ANK3: variants seen among roughly 807,000 people sequenced by gnomAD.
ANK3 encodes ankyrin 3.
A neutral mutation model predicts 370.9 loss-of-function variants in ANK3; 57 were observed. That is an observed-to-expected ratio of 0.15 (90% CI 0.12 to 0.19). ANK3 has a LOEUF of 0.19. ANK3 is among the 10% of genes least tolerant of loss of function. ANK3 has a pLI of 1.00. For missense variants in ANK3, 4,439 were observed against 5,302.1 expected, an observed-to-expected ratio of 0.84 and a Z score of 5.06; for synonymous variants, 1,929 against 1,946.3, an observed-to-expected ratio of 0.99 and a Z score of 0.23.
At position 60,072,551 on chromosome 10, in the gene ANK3, C is replaced by A. The variant is rs769392065; in HGVS notation, c.8330G>T (p.Ser2777Ile). 1 of 1,613,426 alleles carries A rather than the reference C, an allele frequency of 6.2e-7. No homozygotes were observed. The highest frequency in any genetic ancestry group is 8.5e-7 in the Non-Finnish European group (1 of 1,179,838). The change falls in exon 37 of 44, where the codon AGT (serine) becomes ATT (isoleucine). Residue 2777 changes from serine to isoleucine, a missense_variant. Around this residue, in one of 13 missense-constraint regions of ANK3, gnomAD observed 1,601 missense variants for 1,731.7 expected, o/e 0.92. Transcript: ENST00000280772. The stretch of plus-strand genomic sequence containing the variant: ...CATAAAATCTTTTTGCACAGATACA[C>A]TTTCATCTGGGAGGTCTATGGCCTT... ...QQKAIDLPDE[S>I]VSVQKDFMVL...
intron 1 of ANK3, among the ~76,000 whole-genome samples, chr10:60,691,328 A>C (rs2079349394): frequency 6.6e-6 from 1 of 152,184 alleles, no homozygotes; most frequent in South Asian, 2.1e-4. Flanking sequence ...AGAAAATACT[A>C]CTTGAAATTG....
In ANK3 at chr10:60,372,784, G is replaced by T. The variant is rs563962890; in HGVS notation, c.114+16641C>A. 2.0e-5 allele frequency among the ~76,000 whole-genome samples: 3 copies of T among 152,250 alleles called. No homozygotes were observed. In the South Asian group the frequency reaches 6.2e-4, roughly 32 times the overall value. On this transcript the variant is annotated intron_variant, in intron 1 of 43. Transcript: ENST00000280772. ...CCATACAACTCTGCCCTTCGAAACCGATGTATTTATATAAATCCTATAGAT... is the reference window on the plus strand; with the variant it reads ...CCATACAACTCTGCCCTTCGAAACCTATGTATTTATATAAATCCTATAGAT...
rs1464111127 is a variant in ANK3 at position 60,028,600 on chromosome 10, T to A, written c.*1246A>T. On this transcript the variant is annotated 3_prime_UTR_variant, in exon 44 of 44. Transcript: ENST00000280772. ...AAACACAGCAGCCTTATTAACCTAA[T>A]ATGACACTGCTAGAATGGTTACAAA... 1 of 152,588 alleles carries A rather than the reference T, an allele frequency of 6.6e-6. No homozygotes were observed. The highest frequency in any genetic ancestry group is 2.4e-5 in the African/African-American group (1 of 41,426). 9.5% of individuals were successfully genotyped at this position (152,588 alleles called of 1,614,324 possible).
chr10:60,685,396 G>GA (rs78361999), intron 1 of ANK3, among the ~76,000 whole-genome samples: 1,941 of 145,324 alleles, frequency 0.013, 39 homozygotes, highest in African/African-American at 0.044. Context: ...TCTAAAGAGT[G>GA]AAAAAAAAAA....
At chr10:60,624,188 C>T (rs2078377392) in intron 1 of ANK3, among the ~76,000 whole-genome samples, 1 of 151,710 alleles carries the variant, frequency 6.6e-6, no homozygotes, top group Non-Finnish European at 1.5e-5. Context: ...GCACATGTAC[C>T]CCTCAACCTA....
At chr10:60,603,884 T>C (rs950549325) in intron 2 of ANK3, among the ~76,000 whole-genome samples, 3 of 152,140 alleles carry the variant, frequency 2.0e-5, no homozygotes, top group Non-Finnish European at 2.9e-5. Context: ...TGAGGCACAC[T>C]CCTCAGTCTC....
chr10:60,509,694 C>T (rs1364374073), intron 2 of ANK3, among the ~76,000 whole-genome samples: 3 of 151,970 alleles, frequency 2.0e-5, no homozygotes. Flanking sequence ...CTATTTTCTC[C>T]AAGATAGTGA....
At chr10:60,564,980 T>G (rs909785239) in intron 2 of ANK3, among the ~76,000 whole-genome samples, 7 of 152,096 alleles carry the variant, frequency 4.6e-5, no homozygotes, top group African/African-American at 1.4e-4. Context: ...ATTTGCCCCT[T>G]AAAAAATAAT....
At position 60,166,882 on chromosome 10, in the gene ANK3, C is replaced by T; in HGVS notation, c.2493G>A (p.Lys831=). 3 of 1,613,922 alleles carry T rather than the reference C, an allele frequency of 1.9e-6. No homozygotes were observed. In the South Asian group the frequency reaches 3.3e-5, roughly 18 times the overall value. ...TCGTTTCTGGAACATTCATTTTGTGCTTCTCTGTGACAGTCTAGTAACAAA... is the reference window on the plus strand; with the variant it reads ...TCGTTTCTGGAACATTCATTTTGTGTTTCTCTGTGACAGTCTAGTAACAAA... ...ETMTTTTVTE[K]HKMNVPETMN... Residue 831 remains lysine (K), a synonymous_variant, in exon 22 of 44, where the codon AAG becomes AAA. Transcript: ENST00000280772.
chr10:60,336,090 C>CTGGGGGG (rs537711980), intron 1 of ANK3, among the ~76,000 whole-genome samples: 5 of 148,690 alleles, frequency 3.4e-5, no homozygotes, highest in African/African-American at 1.3e-4. Context: ...CATAGTTTGG[C>CTGGGGGG]GGGGGGGGGA....
At chr10:60,263,769 G>A in intron 6 of ANK3, 66 bp downstream of exon 6, 1 of 1,575,306 alleles carries the variant, frequency 6.3e-7, no homozygotes. Context: ...GAGACCGGGT[G>A]CTCTTAAAGG....
chr10:60,264,181 C>CA (rs1334713530), intron 5 of ANK3, among the ~76,000 whole-genome samples, 161 bp from the exon 6 acceptor site: 18 of 151,586 alleles, frequency 1.2e-4, no homozygotes, highest in South Asian at 1.0e-3. Flanking sequence ...AAGATATTTT[C>CA]AAAAAAAATT....
intron 43 of ANK3, among the ~76,000 whole-genome samples, chr10:60,039,808 T>C (rs1184392582): frequency 6.6e-6 from 1 of 152,196 alleles, no homozygotes; most frequent in African/African-American, 2.4e-5. Flanking sequence ...GCCTGCCACA[T>C]AGCAATCATT....
chr10:60,196,572 G>A lies in ANK3; in HGVS notation c.1743C>T (p.Ala581=), dbSNP rs768756246. The part of the protein sequence containing the change: ...VAAKYGKLEV[A]NLLLQKSASP... ...ATGCACTTTTCTGTAGCAGGAGATT[G>A]GCGACTTCAAGCTTTCCATATTTTG... Residue 581 remains alanine (A), a synonymous_variant, in exon 15 of 44, where the codon GCC becomes GCT. Transcript: ENST00000280772. 1.2e-6 allele frequency: 2 copies of A among 1,613,066 alleles called. No individual in the cohort carries two copies. Among genetic ancestry groups the A allele is most frequent in the South Asian group, 2.2e-5 (2 of 91,038 alleles).
chr10:60,198,659 T>TA (rs2096623699), intron 13 of ANK3, 122 bp from the exon 14 acceptor site: 5 of 812,582 alleles, frequency 6.2e-6, no homozygotes, highest in East Asian at 2.5e-5. Flanking sequence ...GAGTCAATGC[T>TA]AAAAAAACTC....
At chr10:60,454,917 T>C (rs2064708134) in intron 2 of ANK3, among the ~76,000 whole-genome samples, 1 of 152,180 alleles carries the variant, frequency 6.6e-6, no homozygotes, top group African/African-American at 2.4e-5. Flanking sequence ...GAAAGTAAGA[T>C]CACATTCTTA....
At chr10:60,545,188 C>T (rs2076935433) in intron 2 of ANK3, among the ~76,000 whole-genome samples, 1 of 151,802 alleles carries the variant, frequency 6.6e-6, no homozygotes, top group Admixed American at 6.6e-5. Flanking sequence ...TTTAGAAAGA[C>T]ATGATCAGCA....
intron 23 of ANK3, chr10:60,139,518 CAG>C (rs2132209952): frequency 6.4e-6 from 1 of 157,120 alleles, no homozygotes; most frequent in South Asian, 2.0e-4. Context: ...GGGAAGGAAA[CAG>C]ACATTTAAAA....
In ANK3 at chr10:60,460,144, C is replaced by T. The variant is rs965240346; in HGVS notation, c.96+155042G>A. Among the ~76,000 whole-genome samples, 6 of 152,240 alleles carry T rather than the reference C, an allele frequency of 3.9e-5. No individual in the cohort carries two copies. The East Asian group carries it at 5.8e-4, about 15-fold the overall frequency. On this transcript the variant is annotated intron_variant, in intron 2 of 43. Coordinates refer to the ANK3 transcript ENST00000373827. The stretch of plus-strand genomic sequence containing the variant: ...TTCCCTATTCCTGAGCTTAGCTGTA[C>T]GATCCCTTCACAAAAACTGTGATTT...
Sources: gnomAD v4.1 joint callset for allele counts (sites outside exome capture counted in the v4.1 genomes callset) on GRCh38, gnomAD v4.1.1 for gene constraint, gnomAD v4.1.1 regional missense constraint, MANE v1.5 for transcripts, NCBI Gene and HGNC (gene_info 2026-07-23, HGNC 2026-07-21) for gene names.